S100Z: variants seen among roughly 807,000 people sequenced by gnomAD.
S100Z encodes S100 calcium binding protein Z.
In S100Z, 11 loss-of-function variants were observed where a neutral mutation model predicts 8.5. The observed-to-expected ratio is 1.30, with a 90% CI of 0.82 to 2.15. S100Z has a LOEUF of 2.15. Ranked by LOEUF, S100Z falls within the 30% of genes most tolerant of loss-of-function variation. The pLI is 0.00. For synonymous variants in S100Z, 34 were observed against 43.8 expected (o/e 0.78, Z 0.89); for missense variants, 126 against 117.9 (o/e 1.07, Z -0.32).
chr5:76,915,877 A>T (rs1006969247), intron 4 of S100Z, among the ~76,000 whole-genome samples: 1 of 152,176 alleles, frequency 6.6e-6, no homozygotes, highest in African/African-American at 2.4e-5. Flanking sequence ...TTAACATTAG[A>T]TAAGTGGACT....
chr5:76,922,329 T>C (rs539974047), downstream of S100Z, among the ~76,000 whole-genome samples: 1 of 152,316 alleles, frequency 6.6e-6, no homozygotes, highest in African/African-American at 2.4e-5. Context: ...ATGTTGGAAG[T>C]CATCACCATG....
chr5:76,938,782 T>C, the S100Z span, among the ~76,000 whole-genome samples: 208 of 152,318 alleles, frequency 1.4e-3, 1 homozygote, highest in African/African-American at 4.7e-3. Context: ...ATCATGTTTT[T>C]TTCCCATGTA....
intron 4 of S100Z, among the ~76,000 whole-genome samples, chr5:76,878,734 G>T (rs551218275): frequency 6.6e-6 from 1 of 152,304 alleles, no homozygotes; most frequent in Non-Finnish European, 1.5e-5. Flanking sequence ...GGCAATCGTG[G>T]CAGGCAACCA....
downstream of S100Z, among the ~76,000 whole-genome samples, chr5:76,922,006 AAAAAG>A (rs1007705067): frequency 5.9e-5 from 9 of 151,890 alleles, no homozygotes; most frequent in Non-Finnish European, 1.2e-4. Context: ...AAAAAAAAGA[AAAAAG>A]AAAGCAAATC....
At chr5:76,903,488 G>A (rs60860875) in intron 4 of S100Z, among the ~76,000 whole-genome samples, 8,094 of 152,108 alleles carry the variant, frequency 0.053, 730 homozygotes, top group African/African-American at 0.18. Flanking sequence ...TCTGGTTTTG[G>A]TTGACTGAAT....
chr5:76,949,966 T>C, the S100Z span, among the ~76,000 whole-genome samples: 1 of 150,104 alleles, frequency 6.7e-6, no homozygotes, highest in African/African-American at 2.5e-5. Flanking sequence ...TTTTAACTCT[T>C]CTTACCACAA....
At chr5:76,923,618 C>A (rs1001334138), downstream of S100Z, among the ~76,000 whole-genome samples, 1 of 152,190 alleles carries the variant, frequency 6.6e-6, no homozygotes, top group Non-Finnish European at 1.5e-5. Flanking sequence ...CAACTACACC[C>A]TCATGGGTGT....
intron 4 of S100Z, among the ~76,000 whole-genome samples, chr5:76,896,555 G>A (rs964855478): frequency 1.3e-5 from 2 of 152,166 alleles, no homozygotes. Flanking sequence ...ACTCAGCAGT[G>A]GGATTCCAGT....
At chr5:76,872,172 G>A (rs1743034422) in intron 2 of S100Z, among the ~76,000 whole-genome samples, 1 of 152,142 alleles carries the variant, frequency 6.6e-6, no homozygotes, top group Admixed American at 6.5e-5. Flanking sequence ...GCTTGAGCCT[G>A]GGAGTTCGAG....
At chr5:76,948,088 G>A in the S100Z span, among the ~76,000 whole-genome samples, 1 of 152,156 alleles carries the variant, frequency 6.6e-6, no homozygotes. Context: ...CAGTTTGGGA[G>A]GCCGAGGCAG....
At chr5:76,900,318 C>T (rs1229176469) in intron 4 of S100Z, among the ~76,000 whole-genome samples, 2 of 152,200 alleles carry the variant, frequency 1.3e-5, no homozygotes, top group African/African-American at 4.8e-5. Context: ...TTTGAATAAA[C>T]TTTCTACCCC....
chr5:76,911,533 C>T (rs1744660263), intron 4 of S100Z, among the ~76,000 whole-genome samples: 1 of 152,146 alleles, frequency 6.6e-6, no homozygotes, highest in South Asian at 2.1e-4. Context: ...CCGTCTTGCC[C>T]CAAGGGTTTA....
chr5:76,902,403 C>T (rs892277280), intron 4 of S100Z, among the ~76,000 whole-genome samples: 4 of 152,218 alleles, frequency 2.6e-5, no homozygotes, highest in Non-Finnish European at 4.4e-5. Flanking sequence ...AACAGGACAG[C>T]ACTGAGTTCA....
intron 4 of S100Z, among the ~76,000 whole-genome samples, chr5:76,881,585 G>C (rs1743403442): frequency 6.6e-6 from 1 of 152,210 alleles, no homozygotes; most frequent in Non-Finnish European, 1.5e-5. Flanking sequence ...GAAGTTCTAA[G>C]AGGCGGGCTA....
At chr5:76,895,449 A>T (rs1744001541) in intron 4 of S100Z, among the ~76,000 whole-genome samples, 1 of 152,232 alleles carries the variant, frequency 6.6e-6, no homozygotes, top group East Asian at 1.9e-4. Context: ...TCAAAGAAAC[A>T]ATTGAAAGTT....
intron 1 of S100Z, among the ~76,000 whole-genome samples, chr5:76,863,679 C>T (rs1170218422): frequency 6.6e-6 from 1 of 151,972 alleles, no homozygotes; most frequent in Non-Finnish European, 1.5e-5. Flanking sequence ...GCTGGGACTA[C>T]AGGCACCCGC....
chr5:76,905,001 T>C (rs1288179897), intron 4 of S100Z, among the ~76,000 whole-genome samples: 1 of 152,208 alleles, frequency 6.6e-6, no homozygotes, highest in Non-Finnish European at 1.5e-5. Context: ...GCAACTCTCA[T>C]TCCCCAGAAC....
chr5:76,941,279 C>A, the S100Z span, among the ~76,000 whole-genome samples: 2 of 152,164 alleles, frequency 1.3e-5, no homozygotes, highest in Non-Finnish European at 2.9e-5. Context: ...CAAATCTCAT[C>A]TTGAATTGTC....
At chr5:76,870,662 T>C (rs1370196597) in intron 2 of S100Z, among the ~76,000 whole-genome samples, 1 of 152,104 alleles carries the variant, frequency 6.6e-6, no homozygotes, top group Non-Finnish European at 1.5e-5. Flanking sequence ...TTGTGGGACA[T>C]TCAGGTAGAG....
Sources: gnomAD v4.1 joint callset for allele counts (sites outside exome capture counted in the v4.1 genomes callset) on GRCh38, gnomAD v4.1.1 for gene constraint, MANE v1.5 for transcripts, NCBI Gene and HGNC (gene_info 2026-07-23, HGNC 2026-07-21) for gene names.